The following KAT14 variants were observed in gnomAD, a reference collection of about 807,000 sequenced individuals.
KAT14 encodes lysine acetyltransferase 14.
Under a neutral mutation model 78.4 loss-of-function variants are expected in KAT14, and 66 were observed. That is an observed-to-expected ratio of 0.84 (90% confidence interval 0.69 to 1.03). The LOEUF is 1.03. KAT14 is among the 50% of genes least tolerant of loss of function. The pLI is 0.00. For missense variants in KAT14, 870 were observed against 972.5 expected (o/e 0.89, Z 1.40); for synonymous variants, 344 against 359.4 (o/e 0.96, Z 0.48).
intron 4 of KAT14, 49 bp from the exon 5 acceptor site, chr20:18,159,035 G>T: frequency 1.3e-6 from 2 of 1,562,202 alleles, no homozygotes; most frequent in Non-Finnish European, 1.7e-6. Flanking sequence ...TGTCTTTTCT[G>T]TATAATGAGC....
chr20:18,161,878 A>C lies in KAT14; in HGVS notation c.738A>C (p.Ala246=). Residue 246 remains alanine, a synonymous_variant, in exon 6 of 11, where the codon GCA becomes GCC. Transcript: ENST00000688188. ...IITVEGLRKR[A]SRNPVESAME... is the part of the protein sequence containing the mutation. The stretch of plus-strand genomic sequence containing the variant: ...CTGTTGAGGGACTTAGAAAACGAGC[A>C]AGTCGGAATCCTGTGGAATCTGCCA... The C allele has an allele frequency of 6.2e-7, 1 of 1,614,202 alleles. No individual in the cohort carries two copies. Among genetic ancestry groups the C allele is most frequent in the Non-Finnish European group, 8.5e-7 (1 of 1,180,032 alleles).
Position 18,162,617 on chromosome 20 carries a change from A to G in KAT14, c.1340A>G (p.Gln447Arg), listed in dbSNP as rs764387114. ...AGGGCTAGAGAAAAGAGGAAGCCTC[A>G]GCTGGAGAAGGACACAAAGCCGAAA... ...QTRAREKRKP[Q>R]LEKDTKPKEP... The change falls in exon 7 of 11, where the codon CAG (glutamine) becomes CGG (arginine). Residue 447 changes from glutamine to arginine, a missense_variant. Transcript: ENST00000688188. The G allele has an allele frequency of 1.3e-4, 210 of 1,614,116 alleles. No homozygotes were observed. Among genetic ancestry groups the G allele is most frequent in the Non-Finnish European group, 1.7e-4 (195 of 1,180,046 alleles).
At chr20:18,150,478 T>C (rs1300409555) in intron 3 of KAT14, among the ~76,000 whole-genome samples, 1 of 152,078 alleles carries the variant, frequency 6.6e-6, no homozygotes, top group African/African-American at 2.4e-5. Flanking sequence ...AGGACTACAC[T>C]GTGTAGGGTG....
At chr20:18,176,545 G>A (rs987684472) in intron 7 of KAT14, among the ~76,000 whole-genome samples, 3 of 152,158 alleles carry the variant, frequency 2.0e-5, no homozygotes, top group Non-Finnish European at 2.9e-5. Flanking sequence ...GGTTCAGGAC[G>A]GCCTCTCTGA....
At chr20:18,149,697 G>T (rs6034986) in intron 3 of KAT14, among the ~76,000 whole-genome samples, 1 of 152,060 alleles carries the variant, frequency 6.6e-6, no homozygotes, top group African/African-American at 2.4e-5. Flanking sequence ...ATTAGGCTGG[G>T]CGCAGTGGCT....
At chr20:18,167,678 T>C (rs1184025545) in intron 7 of KAT14, among the ~76,000 whole-genome samples, 8 of 152,192 alleles carry the variant, frequency 5.3e-5, no homozygotes, top group African/African-American at 7.2e-5. Context: ...TAGTTGTTTT[T>C]TGGTTTTCAG....
At chr20:18,171,250 G>A (rs986058640) in intron 7 of KAT14, among the ~76,000 whole-genome samples, 1 of 152,314 alleles carries the variant, frequency 6.6e-6, no homozygotes, top group East Asian at 1.9e-4. Flanking sequence ...GATGTGGAAA[G>A]AGCAAGAGAA....
At chr20:18,156,774 T>C (rs1053719808) in intron 4 of KAT14, among the ~76,000 whole-genome samples, 12 of 152,200 alleles carry the variant, frequency 7.9e-5, no homozygotes, top group African/African-American at 2.9e-4. Flanking sequence ...TACACGTCTG[T>C]CTCTGTGTCC....
intron 10 of KAT14, among the ~76,000 whole-genome samples, chr20:18,186,358 T>G (rs377303580): frequency 6.6e-6 from 1 of 152,116 alleles, no homozygotes; most frequent in Non-Finnish European, 1.5e-5. Context: ...CCCACAAAAT[T>G]TGCTTTAAAA....
intron 1 of KAT14, among the ~76,000 whole-genome samples, chr20:18,138,946 A>G (rs1428712017): frequency 2.0e-5 from 3 of 152,216 alleles, no homozygotes; most frequent in Non-Finnish European, 4.4e-5. Context: ...TCAGAAAACA[A>G]CTTGGCAGTG....
At chr20:18,141,033 T>C (rs2037535923) in intron 1 of KAT14, among the ~76,000 whole-genome samples, 1 of 18,342 alleles carries the variant, frequency 5.5e-5, no homozygotes. Context: ...ATTTTTTTTT[T>C]TTTTTTTTTT....
At position 18,166,113 on chromosome 20, in the gene KAT14, A is replaced by C. The variant is rs573333362; in HGVS notation, c.1668+3168A>C. Among the ~76,000 whole-genome samples the C allele has an allele frequency of 3.9e-5, 6 of 152,332 alleles. No homozygotes were observed. The South Asian group carries it at 1.2e-3, about 32-fold the overall frequency. ...GAAGAAAAGTCAGCACAGAGACAAAAGGTATCTCAGCAAGGCCATCTTTTC... is the reference window on the plus strand; with the variant it reads ...GAAGAAAAGTCAGCACAGAGACAAACGGTATCTCAGCAAGGCCATCTTTTC... On this transcript the variant is annotated intron_variant, in intron 7 of 10. Coordinates refer to ENST00000688188, the MANE Select transcript of KAT14 (RefSeq NM_001392073.1).
chr20:18,162,017 A>G lies in KAT14; in HGVS notation c.877A>G (p.Ile293Val), dbSNP rs890869576. ...RSTSSTPVKFISRGRRPDVIL... is the reference protein window; with the variant it reads ...RSTSSTPVKFVSRGRRPDVIL... ...CACATCTTCTACCCCTGTAAAATTCATAAGCCGAGGCCGCAGGCCAGATGT... is the reference window on the plus strand; with the variant it reads ...CACATCTTCTACCCCTGTAAAATTCGTAAGCCGAGGCCGCAGGCCAGATGT... The change falls in exon 6 of 11, where the codon ATA becomes GTA. Residue 293 changes from isoleucine (I) to valine (V), a missense_variant. Ile to Val is a conservative substitution (Grantham distance 29). Transcript: ENST00000688188. 1.9e-6 allele frequency: 3 copies of G among 1,614,258 alleles called. No individual in the cohort carries two copies. Among genetic ancestry groups the G allele is most frequent in the Non-Finnish European group, 2.5e-6 (3 of 1,180,044 alleles).
chr20:18,141,635 G>A (rs1280124950), intron 1 of KAT14, among the ~76,000 whole-genome samples: 1 of 152,192 alleles, frequency 6.6e-6, no homozygotes, highest in Non-Finnish European at 1.5e-5. Flanking sequence ...CTGTAATCCG[G>A]CACTTTGGGA....
At chr20:18,137,855 G>C, upstream of KAT14, 2 of 1,216,624 alleles carry the variant, frequency 1.6e-6, no homozygotes, top group East Asian at 3.2e-5. Context: ...CTCTGCGCTC[G>C]AGGGGTCGAG....
At chr20:18,179,731 T>G (rs529684834) in intron 7 of KAT14, among the ~76,000 whole-genome samples, 3 of 152,324 alleles carry the variant, frequency 2.0e-5, no homozygotes, top group South Asian at 2.1e-4. Flanking sequence ...TTATGTAAAT[T>G]TCTGCAGCCA....
At chr20:18,156,451 T>C (rs1053860889) in intron 4 of KAT14, among the ~76,000 whole-genome samples, 1 of 152,232 alleles carries the variant, frequency 6.6e-6, no homozygotes, top group Non-Finnish European at 1.5e-5. Context: ...TCATAAATAC[T>C]GTGTTTGTAT....
intron 1 of KAT14, among the ~76,000 whole-genome samples, chr20:18,139,130 G>A (rs923999536): frequency 6.6e-6 from 1 of 152,200 alleles, no homozygotes; most frequent in Non-Finnish European, 1.5e-5. Context: ...GTGGAAATTA[G>A]AAGAGAGGAA....
chr20:18,138,074 T>C, intron 1 of KAT14, 23 bp downstream of exon 1: 1 of 1,446,882 alleles, frequency 6.9e-7, no homozygotes, highest in Non-Finnish European at 9.1e-7. Context: ...TGACCGTCTC[T>C]TCCGGGCCCG....
Sources: allele counts gnomAD v4.1 joint callset (sites outside exome capture counted in the v4.1 genomes callset), GRCh38; gene constraint gnomAD v4.1.1; transcripts MANE v1.5; gene names NCBI Gene and HGNC (gene_info 2026-07-23, HGNC 2026-07-21).